Variants in SUN1 observed in about 807,000 individuals in gnomAD.
SUN1 encodes Sad1 and UNC84 domain containing 1, also known as SUN domain-containing protein 1.
In SUN1, 61 loss-of-function variants were observed where a neutral mutation model predicts 103.2. That is an observed-to-expected ratio of 0.59 (90% CI 0.48 to 0.73). SUN1 has a LOEUF of 0.73. SUN1 is among the 30% of genes least tolerant of loss of function. The pLI is 0.00. For missense variants in SUN1, 1,052 were observed against 1,034.6 expected (o/e 1.02, Z -0.23); for synonymous variants, 490 against 425.7 (o/e 1.15, Z -1.86).
intron 5 of SUN1, among the ~76,000 whole-genome samples, chr7:847,330 C>T (rs1816962310): frequency 6.7e-6 from 1 of 150,184 alleles, no homozygotes; most frequent in Non-Finnish European, 1.5e-5. Flanking sequence ...CTCCGGGATC[C>T]CCTGGGGGTT....
upstream of SUN1, chr7:830,943 G>A (rs570234105): frequency 1.7e-4 from 165 of 985,530 alleles, 1 homozygote; most frequent in South Asian, 3.7e-3. Flanking sequence ...GCAGGCCTGC[G>A]CACCTCAGGA....
chr7:873,188 T>C, intron 18 of SUN1, 27 bp from the exon 19 acceptor site: 8 of 1,593,402 alleles, frequency 5.0e-6, no homozygotes, highest in Non-Finnish European at 6.9e-6. Context: ...GAAATACATG[T>C]GTGTGTTTTT....
At chr7:820,154 C>T (rs1327465393) in intron 1 of SUN1, among the ~76,000 whole-genome samples, 1 of 152,180 alleles carries the variant, frequency 6.6e-6, no homozygotes, top group Non-Finnish European at 1.5e-5. Flanking sequence ...ATCTGTACAT[C>T]ACTGTGGGGG....
chr7:825,041 A>G (rs1198279464), intron 1 of SUN1, among the ~76,000 whole-genome samples: 1 of 152,068 alleles, frequency 6.6e-6, no homozygotes, highest in Non-Finnish European at 1.5e-5. Flanking sequence ...TTTCTTTTTG[A>G]AAGTGATATT....
At chr7:820,890 T>A (rs1024580690) in intron 1 of SUN1, among the ~76,000 whole-genome samples, 3 of 152,174 alleles carry the variant, frequency 2.0e-5, no homozygotes, top group African/African-American at 7.2e-5. Context: ...TCACTTCCAA[T>A]TGTAAACTAG....
At chr7:817,475 G>A in intron 1 of SUN1, 2 of 1,535,978 alleles carry the variant, frequency 1.3e-6, no homozygotes, top group Non-Finnish European at 8.7e-7. Context: ...GATTTCTCCC[G>A]GCTCCCCAGG....
rs1193464924 is a variant in SUN1, at chr7:860,252, T to C, written c.1649T>C (p.Met550Thr). The C allele has an allele frequency of 2.6e-5, 42 of 1,614,262 alleles. No individual in the cohort carries two copies. Among genetic ancestry groups the C allele is most frequent in the Non-Finnish European group, 3.6e-5 (42 of 1,180,054 alleles). The part of the protein sequence containing the change: ...QFVSKGDLQT[M>T]LRDLQLQILR... ...GTGAGCAAAGGCGACTTGCAGACGA[T>C]GCTGCGAGACCTGCAGCTGCAGATC... Residue 550 changes from methionine to threonine, a missense_variant, in exon 14 of 19, where the codon ATG (methionine) becomes ACG (threonine). Physicochemically the swap from Met to Thr is moderately conservative, Grantham distance 81. Around this residue, in one of 2 missense-constraint regions of SUN1, gnomAD observed 846 missense variants for 774.5 expected, o/e 1.09. Transcript: ENST00000401592.
chr7:827,179 G>T (rs1009261463), intron 1 of SUN1, among the ~76,000 whole-genome samples: 1 of 151,990 alleles, frequency 6.6e-6, no homozygotes, highest in Non-Finnish European at 1.5e-5. Flanking sequence ...GTGCCACCAC[G>T]CCCGGCTAAG....
At chr7:851,237 T>G (rs771816958) in intron 5 of SUN1, 147 bp from the exon 6 acceptor site, 15 of 576,402 alleles carry the variant, frequency 2.6e-5, no homozygotes, top group Non-Finnish European at 3.7e-5. Context: ...ACAAGAGTTA[T>G]TTGGCTTTTC....
intron 13 of SUN1, among the ~76,000 whole-genome samples, chr7:858,737 T>A (rs1264314216): frequency 6.6e-6 from 1 of 152,252 alleles, no homozygotes; most frequent in Non-Finnish European, 1.5e-5. Context: ...ATCATTTGAT[T>A]GGCAGAAGTC....
upstream of SUN1, chr7:832,139 C>G (rs963938557): frequency 4.1e-6 from 4 of 967,852 alleles, no homozygotes; most frequent in African/African-American, 6.9e-5. Flanking sequence ...AAACTGATTT[C>G]AGAAGACCGA....
At chr7:843,074 A>G in intron 3 of SUN1, 132 bp from the exon 4 acceptor site, 2 of 1,320,398 alleles carry the variant, frequency 1.5e-6, no homozygotes, top group Non-Finnish European at 2.1e-6. Flanking sequence ...TTTAGGAAAT[A>G]AACTGTGACC....
At chr7:857,351 A>T (rs942309920) in intron 12 of SUN1, among the ~76,000 whole-genome samples, 2 of 152,172 alleles carry the variant, frequency 1.3e-5, no homozygotes, top group East Asian at 1.9e-4. Context: ...TAATATGTCA[A>T]TCCTAAAGTG....
rs1267766288 is a variant in SUN1, at chr7:873,888, C to T, written c.*557C>T. On this transcript the variant is annotated 3_prime_UTR_variant, in exon 19 of 19. Transcript: ENST00000401592. The stretch of plus-strand genomic sequence containing the variant: ...GAAATAACTAAAATGTGTTTTTCTG[C>T]TTTGTTCGCTCTTACTTCTGAGGAA... The T allele has an allele frequency of 6.5e-6, 1 of 152,714 alleles. No individual in the cohort carries two copies. The highest frequency in any genetic ancestry group is 1.5e-5 in the Non-Finnish European group (1 of 68,192). The allele number at this position is 152,714 out of a possible 1,614,324, so 9.5% of individuals were successfully genotyped here.
chr7:849,421 C>A, intron 5 of SUN1: 1 of 913,560 alleles, frequency 1.1e-6, no homozygotes, highest in African/African-American at 1.7e-5. Context: ...AAGTGGCTAG[C>A]CTTGCACATC....
chr7:817,829 T>C (rs927486918), intron 1 of SUN1, among the ~76,000 whole-genome samples: 1 of 152,220 alleles, frequency 6.6e-6, no homozygotes, highest in Non-Finnish European at 1.5e-5. Context: ...TTACCCTTTT[T>C]TTCTGACTGT....
intron 1 of SUN1, among the ~76,000 whole-genome samples, chr7:834,319 T>C (rs988956525): frequency 1.3e-5 from 2 of 151,996 alleles, no homozygotes; most frequent in East Asian, 1.9e-4. Context: ...TGCTGCAGGA[T>C]AGAGGTCAGG....
At chr7:847,473 C>T (rs1269046222) in intron 5 of SUN1, among the ~76,000 whole-genome samples, 4 of 115,014 alleles carry the variant, frequency 3.5e-5, no homozygotes, top group Non-Finnish European at 7.6e-5. Context: ...TCTCCGGGGT[C>T]CCCTGGGGGT....
intron 1 of SUN1, among the ~76,000 whole-genome samples, chr7:824,598 G>A (rs929630279): frequency 2.6e-5 from 4 of 152,232 alleles, no homozygotes; most frequent in Admixed American, 2.6e-4. Context: ...AGGAAGTGGG[G>A]TTTGTATTAA....
Sources: allele counts gnomAD v4.1 joint callset (sites outside exome capture counted in the v4.1 genomes callset), GRCh38; gene constraint gnomAD v4.1.1; regional missense constraint gnomAD v4.1.1; transcripts MANE v1.5; gene names NCBI Gene and HGNC (gene_info 2026-07-23, HGNC 2026-07-21).